The following MYO5B variants were observed in gnomAD, a reference collection of about 807,000 sequenced individuals.
The protein encoded by MYO5B is myosin VB.
MYO5B carries 143 observed loss-of-function variants against 229.3 expected under a neutral mutation model. That is an observed-to-expected ratio of 0.62 (90% confidence interval 0.54 to 0.72). The LOEUF is 0.72. Ranked by LOEUF, MYO5B falls within the 30% of genes least tolerant of loss-of-function variation. The probability of loss-of-function intolerance (pLI) is 0.00; values close to 1 mark genes in which losing one functional copy is unlikely to be tolerated. For synonymous variants in MYO5B, 918 were observed against 885.2 expected (o/e 1.04, Z -0.66); for missense variants, 2,321 against 2,331.0 (o/e 1.00, Z 0.09).
intron 2 of MYO5B, among the ~76,000 whole-genome samples, chr18:50,049,939 A>G (rs1448106466): frequency 6.6e-6 from 1 of 152,216 alleles, no homozygotes; most frequent in African/African-American, 2.4e-5. Flanking sequence ...TGAACTGTAC[A>G]CTTAAACATA....
Position 49,915,625 on chromosome 18 carries a change from G to A in MYO5B, c.2091-3452C>T, listed in dbSNP as rs200689125. Among the ~76,000 whole-genome samples, 12 of 152,348 alleles carry A rather than the reference G, an allele frequency of 7.9e-5. No homozygotes were observed. The East Asian group carries it at 1.2e-3, about 15-fold the overall frequency. On this transcript the variant is annotated intron_variant, in intron 17 of 39. Coordinates refer to ENST00000285039, the MANE Select transcript of MYO5B (RefSeq NM_001080467.3). ...TGTGAACCAAACCCATTGAGTTGCT[G>A]ATTATCTCTGACAGGAGGCTTTAAC...
intron 22 of MYO5B, among the ~76,000 whole-genome samples, chr18:49,883,131 T>C (rs1307485198): frequency 6.6e-6 from 1 of 152,208 alleles, no homozygotes; most frequent in Admixed American, 6.5e-5. Context: ...AAGACAAGGG[T>C]GTCTGCTCTT....
intron 4 of MYO5B, among the ~76,000 whole-genome samples, chr18:50,014,335 G>A (rs74942001): frequency 0.038 from 5,750 of 150,606 alleles, 377 homozygotes; most frequent in African/African-American, 0.13. Context: ...GCTATACAGT[G>A]TTATTTATTA....
At chr18:50,068,186 C>CA (rs1242449593) in intron 1 of MYO5B, among the ~76,000 whole-genome samples, 4 of 152,110 alleles carry the variant, frequency 2.6e-5, no homozygotes, top group Non-Finnish European at 5.9e-5. Flanking sequence ...ACTAGGTAGC[C>CA]AATAAAGCTT....
At chr18:49,937,223 T>A (rs533221881) in intron 15 of MYO5B, 22 bp downstream of exon 15, 1 of 1,613,718 alleles carries the variant, frequency 6.2e-7, no homozygotes, top group East Asian at 2.2e-5. Context: ...CCTCAGCCCA[T>A]AGCTTTTGGT....
At position 50,001,258 on chromosome 18, in the gene MYO5B, C is replaced by T. The variant is rs2026043835; in HGVS notation, c.609G>A (p.Met203Ile). ...CAGGACACCTAGAAGGCTTTACCTC[C>T]ATGATGGGACTGGATGCCAGCACCT... The part of the protein sequence containing the change: ...EEKVLASSPI[M>I]EAIGNAKTTR... The change falls in exon 5 of 40, where the codon ATG becomes ATA. Residue 203 changes from methionine (M) to isoleucine (I), a missense_variant. Met to Ile is a conservative substitution (Grantham distance 10). Around this residue, in one of 2 missense-constraint regions of MYO5B, gnomAD observed 2,113 missense variants for 2,044.7 expected, o/e 1.03. Coordinates refer to ENST00000285039, the MANE Select transcript of MYO5B (RefSeq NM_001080467.3). 9 of 1,614,060 alleles carry T rather than the reference C, an allele frequency of 5.6e-6. No individual in the cohort carries two copies. Among genetic ancestry groups the T allele is most frequent in the Non-Finnish European group, 7.6e-6 (9 of 1,180,008 alleles).
chr18:49,894,999 T>C lies in MYO5B; in HGVS notation c.2987A>G (p.His996Arg). 1 of 1,613,846 alleles carries C rather than the reference T, an allele frequency of 6.2e-7. No homozygotes were observed. Among genetic ancestry groups the C allele is most frequent in the East Asian group, 2.2e-5 (1 of 44,878 alleles). Reference protein sequence around the residue: ...ESLRTELQRAHSERKILEDAH... With the variant: ...ESLRTELQRARSERKILEDAH... ...GTCCTCCAAGATCTTGCGCTCCGAG[T>C]GGGCCCTCTGCAGCTCTGTGCGCAG... Residue 996 changes from histidine to arginine, a missense_variant, in exon 22 of 40, where the codon CAC becomes CGC. His to Arg is a conservative substitution (Grantham distance 29). Coordinates refer to ENST00000285039, the MANE Select transcript of MYO5B (RefSeq NM_001080467.3).
At chr18:49,969,124 A>G (rs779138573) in intron 10 of MYO5B, among the ~76,000 whole-genome samples, 4 of 152,192 alleles carry the variant, frequency 2.6e-5, no homozygotes, top group Non-Finnish European at 5.9e-5. Context: ...TCCTCCCTGA[A>G]GAAGGCATGT....
rs747584952 is a variant in MYO5B, at chr18:49,954,455, G to A, written c.1546-20C>T. 1 of 1,613,720 alleles carries A rather than the reference G, an allele frequency of 6.2e-7. No individual in the cohort carries two copies. On this transcript the variant is annotated intron_variant, in intron 12 of 39. Transcript: ENST00000285039. ...GGGGACCTGCAGAACCACAAGATAG[G>A]GCAGAGCGCTTTGTGAAGAGGAAGA... is the stretch of plus-strand genomic sequence containing the variant.
At chr18:50,122,464 AG>A (rs1281672875) in intron 1 of MYO5B, among the ~76,000 whole-genome samples, 1 of 147,872 alleles carries the variant, frequency 6.8e-6, no homozygotes, top group African/African-American at 2.5e-5. Flanking sequence ...AAAAAAAATC[AG>A]CCAGGTGTGG....
intron 9 of MYO5B, among the ~76,000 whole-genome samples, chr18:49,978,040 C>G (rs928973303): frequency 6.6e-6 from 1 of 152,228 alleles, no homozygotes; most frequent in Non-Finnish European, 1.5e-5. Flanking sequence ...GATTGCAGAA[C>G]AATGGAAGAC....
intron 22 of MYO5B, among the ~76,000 whole-genome samples, chr18:49,890,491 A>G (rs985608234): frequency 6.6e-6 from 1 of 152,246 alleles, no homozygotes; most frequent in Non-Finnish European, 1.5e-5. Flanking sequence ...TGTATCTATG[A>G]GGCTAATACA....
chr18:50,065,622 G>A (rs1442423204), intron 1 of MYO5B, among the ~76,000 whole-genome samples: 2 of 152,146 alleles, frequency 1.3e-5, no homozygotes, highest in African/African-American at 4.8e-5. Context: ...TTGACATATG[G>A]GGATTACAGT....
intron 4 of MYO5B, among the ~76,000 whole-genome samples, chr18:50,002,029 C>T (rs2026053250): frequency 1.0e-5 from 1 of 99,456 alleles, no homozygotes; most frequent in South Asian, 4.9e-4. Flanking sequence ...GAGCAAAACT[C>T]CGTCTCAAAA....
chr18:50,182,687 C>G (rs1361423874), intron 1 of MYO5B, among the ~76,000 whole-genome samples: 1 of 152,192 alleles, frequency 6.6e-6, no homozygotes, highest in Non-Finnish European at 1.5e-5. Flanking sequence ...TAGACTTTGG[C>G]AAGTGCCAGA....
At chr18:49,936,620 C>T (rs747191144) in intron 15 of MYO5B, among the ~76,000 whole-genome samples, 1 of 152,192 alleles carries the variant, frequency 6.6e-6, no homozygotes, top group South Asian at 2.1e-4. Context: ...TGCTGTGGAT[C>T]AAATAAGATG....
rs145273397 is a variant in MYO5B at position 50,192,572 on chromosome 18, C to T, written c.27+2195G>A. ...AAGCCAAAGCTTTAGCAGAAAAACA[C>T]CCAGGAAACTTCACCAGAAAGTCCT... On this transcript the variant is annotated intron_variant, in intron 1 of 39. Coordinates refer to ENST00000285039, the MANE Select transcript of MYO5B (RefSeq NM_001080467.3). Among the ~76,000 whole-genome samples the T allele has an allele frequency of 6.0e-4, 91 of 152,290 alleles. 1 individual carries two copies. Among genetic ancestry groups the T allele is most frequent in the African/African-American group, 2.2e-3 (90 of 41,564 alleles).
chr18:50,031,074 T>C (rs1009122068), intron 4 of MYO5B, among the ~76,000 whole-genome samples: 5 of 152,106 alleles, frequency 3.3e-5, no homozygotes, highest in Admixed American at 6.5e-5. Flanking sequence ...CAGAATCTGC[T>C]CTGTTCTGAC....
chr18:49,960,986 C>T (rs1362067079), intron 12 of MYO5B, among the ~76,000 whole-genome samples: 1 of 152,214 alleles, frequency 6.6e-6, no homozygotes, highest in Non-Finnish European at 1.5e-5. Context: ...AGACATGGCG[C>T]TGCCTTTAGC....
Sources: allele counts gnomAD v4.1 joint callset (sites outside exome capture counted in the v4.1 genomes callset), GRCh38; gene constraint gnomAD v4.1.1; regional missense constraint gnomAD v4.1.1; transcripts MANE v1.5; gene names NCBI Gene and HGNC (gene_info 2026-07-23, HGNC 2026-07-21).